LRBA: variants seen among roughly 807,000 people sequenced by gnomAD.
LRBA encodes the protein lipopolysaccharide-responsive and beige-like anchor protein.
Under a neutral mutation model 330.0 loss-of-function variants are expected in LRBA, and 176 were observed. The observed-to-expected ratio is 0.53, with a 90% CI of 0.47 to 0.60. The LOEUF is 0.60. LRBA is among the 20% of genes least tolerant of loss of function. LRBA has a pLI of 0.00. For missense variants in LRBA, 3,259 were observed against 3,444.8 expected (o/e 0.95, Z 1.35); for synonymous variants, 1,230 against 1,193.0 (o/e 1.03, Z -0.64).
chr4:150,563,128 T>C (rs1768596838), intron 40 of LRBA, among the ~76,000 whole-genome samples: 1 of 152,114 alleles, frequency 6.6e-6, no homozygotes, highest in African/African-American at 2.4e-5. Context: ...ATGACAAATT[T>C]GTATATGAGC....
At chr4:150,769,588 T>A (rs1280560646) in intron 34 of LRBA, among the ~76,000 whole-genome samples, 1 of 152,208 alleles carries the variant, frequency 6.6e-6, no homozygotes, top group Non-Finnish European at 1.5e-5. Flanking sequence ...GTCAGCCTTT[T>A]GGTTTTATTC....
chr4:150,578,243 A>G (rs1295353726), intron 40 of LRBA, among the ~76,000 whole-genome samples: 1 of 152,196 alleles, frequency 6.6e-6, no homozygotes, highest in Non-Finnish European at 1.5e-5. Flanking sequence ...TTAGAATAAA[A>G]CATTGTAAGG....
intron 49 of LRBA, among the ~76,000 whole-genome samples, chr4:150,323,295 T>C (rs1030416109): frequency 1.3e-5 from 2 of 152,188 alleles, no homozygotes; most frequent in East Asian, 1.9e-4. Flanking sequence ...TTCAATTATG[T>C]AGTTTTTAAA....
intron 37 of LRBA, among the ~76,000 whole-genome samples, chr4:150,655,576 C>T (rs1299518026): frequency 6.6e-6 from 1 of 152,124 alleles, no homozygotes; most frequent in Non-Finnish European, 1.5e-5. Flanking sequence ...CAATGTACAC[C>T]TTTTTAGCAA....
intron 37 of LRBA, among the ~76,000 whole-genome samples, chr4:150,652,567 C>T (rs891241593): frequency 6.6e-6 from 1 of 151,976 alleles, no homozygotes; most frequent in African/African-American, 2.4e-5. Context: ...AGTTTTCTAA[C>T]AGTCACATAA....
chr4:150,545,927 AG>A (rs1027682943), intron 40 of LRBA, among the ~76,000 whole-genome samples: 17 of 151,878 alleles, frequency 1.1e-4, no homozygotes, highest in African/African-American at 3.4e-4. Context: ...GAAAAGAAAA[AG>A]TTTTTTTTTT....
chr4:150,914,477 C>T (rs1312112132), intron 8 of LRBA, 136 bp from the exon 9 acceptor site: 2 of 547,802 alleles, frequency 3.7e-6, no homozygotes, highest in Non-Finnish European at 5.9e-6. Flanking sequence ...TACCATAAAA[C>T]CATTAGAAAG....
Position 150,410,775 on chromosome 4 carries a change from T to C in LRBA, c.7194+4663A>G, listed in dbSNP as rs1746879196. Among the ~76,000 whole-genome samples, 2 of 152,202 alleles carry C rather than the reference T, an allele frequency of 1.3e-5. 1 individual carries two copies. The highest frequency in any genetic ancestry group is 4.1e-4 in the South Asian group (2 of 4,836). ...ACTATTATAATTTGAATCAATTATG[T>C]ATATTATGTATCTTTTGGCTAAAAC... On this transcript the variant is annotated intron_variant, in intron 47 of 56. Transcript: ENST00000651943.
chr4:150,835,082 T>A (rs1474075277), intron 28 of LRBA, among the ~76,000 whole-genome samples: 1 of 152,204 alleles, frequency 6.6e-6, no homozygotes, highest in Non-Finnish European at 1.5e-5. Context: ...CATTTCTTGT[T>A]TTTGTCAGGT....
intron 53 of LRBA, among the ~76,000 whole-genome samples, chr4:150,295,176 T>C (rs1580928589): frequency 6.7e-6 from 1 of 149,426 alleles, no homozygotes; most frequent in Non-Finnish European, 1.5e-5. Flanking sequence ...ATTTGGTGCA[T>C]TCCCCAAATT....
chr4:150,999,712 C>CA (rs75623464), intron 2 of LRBA, among the ~76,000 whole-genome samples: 9,029 of 141,562 alleles, frequency 0.064, 392 homozygotes, highest in East Asian at 0.19. Flanking sequence ...AAAAACAAAA[C>CA]AAAAAAAAAA....
At chr4:150,812,980 A>G (rs564863867) in intron 31 of LRBA, among the ~76,000 whole-genome samples, 1 of 152,160 alleles carries the variant, frequency 6.6e-6, no homozygotes, top group African/African-American at 2.4e-5. Flanking sequence ...CAATAGAACA[A>G]GACTCTGTCT....
intron 35 of LRBA, among the ~76,000 whole-genome samples, chr4:150,749,574 A>C (rs1305813821): frequency 6.6e-6 from 1 of 151,994 alleles, no homozygotes; most frequent in Non-Finnish European, 1.5e-5. Flanking sequence ...TGGACAACAT[A>C]GCAAGTCCCT....
intron 33 of LRBA, among the ~76,000 whole-genome samples, chr4:150,802,024 A>G (rs1741689805): frequency 1.0e-5 from 1 of 99,546 alleles, no homozygotes; most frequent in South Asian, 3.2e-4. Flanking sequence ...TAAATAAATA[A>G]ATAAATAAAT....
At chr4:150,947,712 T>C (rs1486267197) in intron 2 of LRBA, among the ~76,000 whole-genome samples, 1 of 152,074 alleles carries the variant, frequency 6.6e-6, no homozygotes, top group Non-Finnish European at 1.5e-5. Flanking sequence ...ATAAAAGGTA[T>C]GCAGGTGAGA....
In LRBA at chr4:150,908,360, C is replaced by T; in HGVS notation, c.1467G>A (p.Leu489=). 2 of 1,608,392 alleles carry T rather than the reference C, an allele frequency of 1.2e-6. No individual in the cohort carries two copies. The highest frequency in any genetic ancestry group is 2.2e-5 in the South Asian group (2 of 89,240). Residue 489 remains leucine (L), a synonymous_variant, in exon 11 of 57, where the codon TTG becomes TTA. Coordinates refer to ENST00000651943, the MANE Select transcript of LRBA (RefSeq NM_001364905.1). ...ATATAGTCAAATCAATCTCATCAGACAAATATTGCCTGTAATCCAACTGTG... is the reference window on the plus strand; with the variant it reads ...ATATAGTCAAATCAATCTCATCAGATAAATATTGCCTGTAATCCAACTGTG... ...LFAQLDYRQY[L]SDEIDLTICS... is the part of the protein sequence containing the mutation.
At chr4:150,714,939 GAAGAT>G (rs1786593710) in intron 36 of LRBA, among the ~76,000 whole-genome samples, 1 of 152,064 alleles carries the variant, frequency 6.6e-6, no homozygotes, top group Non-Finnish European at 1.5e-5. Context: ...CCTACCCCAG[GAAGAT>G]AAGATTGCAA....
At chr4:150,611,008 A>G (rs1481607550) in intron 37 of LRBA, among the ~76,000 whole-genome samples, 1 of 152,166 alleles carries the variant, frequency 6.6e-6, no homozygotes, top group Non-Finnish European at 1.5e-5. Flanking sequence ...AGAATGGAAG[A>G]TTATACTGTA....
At chr4:150,647,249 A>G (rs144151154) in intron 37 of LRBA, among the ~76,000 whole-genome samples, 21 of 151,848 alleles carry the variant, frequency 1.4e-4, no homozygotes, top group African/African-American at 4.6e-4. Context: ...TTCTGGGACT[A>G]TAGCCTGAAA....
Sources: gnomAD v4.1 joint callset for allele counts (sites outside exome capture counted in the v4.1 genomes callset) on GRCh38, gnomAD v4.1.1 for gene constraint, MANE v1.5 for transcripts, NCBI Gene and HGNC (gene_info 2026-07-23, HGNC 2026-07-21) for gene names.